ADCY10: variants seen among roughly 807,000 people sequenced by gnomAD.
ADCY10 encodes adenylate cyclase 10, also known as adenylate cyclase type 10.
ADCY10 carries 156 observed loss-of-function variants against 183.3 expected under a neutral mutation model. The observed-to-expected ratio is 0.85, with a 90% CI of 0.75 to 0.97. The LOEUF (loss-of-function observed/expected upper bound fraction) is 0.97, where lower values mean the gene tolerates loss of function less well. Ranked by LOEUF, ADCY10 falls within the 50% of genes least tolerant of loss-of-function variation. The pLI is 0.00. For missense variants in ADCY10, 1,745 were observed against 1,934.3 expected (o/e 0.90, Z 1.84); for synonymous variants, 645 against 670.0 (o/e 0.96, Z 0.58).
chr1:167,831,046 C>A (rs1026901356), intron 25 of ADCY10, among the ~76,000 whole-genome samples: 1 of 152,160 alleles, frequency 6.6e-6, no homozygotes. Flanking sequence ...AGCTGTGCCC[C>A]GACCACCTTG....
chr1:167,826,029 C>T (rs1279610412), intron 26 of ADCY10, among the ~76,000 whole-genome samples: 1 of 152,038 alleles, frequency 6.6e-6, no homozygotes, highest in Admixed American at 6.6e-5. Context: ...GTATTGGGGT[C>T]GGGGAAGTGT....
At chr1:167,821,549 C>T (rs1662911547) in intron 30 of ADCY10, among the ~76,000 whole-genome samples, 1 of 152,208 alleles carries the variant, frequency 6.6e-6, no homozygotes, top group Non-Finnish European at 1.5e-5. Context: ...TACAGTTTTC[C>T]AGAACTGCCT....
intron 32 of ADCY10, 62 bp downstream of exon 32, chr1:167,810,663 C>T (rs1410510313): frequency 3.3e-6 from 5 of 1,527,774 alleles, no homozygotes; most frequent in African/African-American, 2.7e-5. Context: ...AGGCAGTAGG[C>T]TTCTGGGCTT....
intron 13 of ADCY10, 62 bp downstream of exon 13, chr1:167,875,069 A>T: frequency 7.8e-7 from 1 of 1,274,212 alleles, no homozygotes; most frequent in Non-Finnish European, 1.1e-6. Flanking sequence ...TCATTGATGT[A>T]CTTTTCTGCA....
intron 8 of ADCY10, among the ~76,000 whole-genome samples, chr1:167,893,353 G>T (rs149062940): frequency 1.7e-4 from 26 of 152,296 alleles, no homozygotes; most frequent in African/African-American, 6.3e-4. Context: ...TTATAATTAT[G>T]AATAATGATC....
Position 167,822,027 on chromosome 1 carries a change from A to T in ADCY10, c.4283T>A (p.Ile1428Asn). Residue 1428 changes from isoleucine (I) to asparagine (N), a missense_variant, in exon 30 of 33, where the codon ATC becomes AAC. By Grantham distance (149) the Ile-to-Asn change is moderately radical (BLOSUM62 -3). Coordinates refer to ENST00000367851, the MANE Select transcript of ADCY10 (RefSeq NM_018417.6). Reference sequence around the variant, plus strand: ...GTGATATGCCACACATTGTTACCAGATAGCTACAGAGGAATAAAGTCCCAG... The same window carrying T: ...GTGATATGCCACACATTGTTACCAGTTAGCTACAGAGGAATAAAGTCCCAG... ...LLLGLYSSVA[I>N]WYARLQEWDN... 3 of 1,560,548 alleles carry T rather than the reference A, an allele frequency of 1.9e-6. No individual in the cohort carries two copies. The highest frequency in any genetic ancestry group is 2.7e-6 in the Non-Finnish European group (3 of 1,131,218).
intron 14 of ADCY10, among the ~76,000 whole-genome samples, chr1:167,869,729 C>T (rs1571353911): frequency 6.6e-6 from 1 of 152,206 alleles, no homozygotes; most frequent in African/African-American, 2.4e-5. Context: ...CAATCGATCA[C>T]GACCCTCTCA....
intron 26 of ADCY10, among the ~76,000 whole-genome samples, chr1:167,828,358 T>C (rs1324408481): frequency 1.3e-5 from 2 of 152,234 alleles, no homozygotes; most frequent in East Asian, 3.9e-4. Flanking sequence ...GATGTGTACT[T>C]TCCATATTTG....
At chr1:167,833,297 G>A in intron 24 of ADCY10, 135 bp from the exon 25 acceptor site, 1 of 818,746 alleles carries the variant, frequency 1.2e-6, no homozygotes, top group South Asian at 1.5e-5. Context: ...AAATCTTCCT[G>A]TGCCTGGCAT....
intron 13 of ADCY10, among the ~76,000 whole-genome samples, chr1:167,874,460 GGATAAAGATT>G (rs1387606467): frequency 2.0e-4 from 31 of 152,094 alleles, no homozygotes; most frequent in Non-Finnish European, 2.9e-4. Context: ...ATTATTGAAA[GGATAAAGATT>G]GATAAAACTA....
At chr1:167,890,050 CCACCCT>C in intron 8 of ADCY10, among the ~76,000 whole-genome samples, 1 of 151,970 alleles carries the variant, frequency 6.6e-6, no homozygotes, top group Non-Finnish European at 1.5e-5. Context: ...CTCTGTCTCT[CCACCCT>C]GGTGCCTTAT....
chr1:167,896,693 T>G lies in ADCY10; in HGVS notation c.643-2A>C. 6.3e-7 allele frequency: 1 copy of G among 1,583,520 alleles called. No homozygotes were observed. The highest frequency in any genetic ancestry group is 1.1e-5 in the South Asian group (1 of 90,486). The stretch of plus-strand genomic sequence containing the variant: ...GGGGGGTGGTTTTAAGAAGTTAACC[T>G]AAATAAAAGCAAATGAGAAGTTTTC... On this transcript the variant is annotated splice_acceptor_variant, in intron 6 of 32. Coordinates refer to ENST00000367851, the MANE Select transcript of ADCY10 (RefSeq NM_018417.6). LOFTEE classifies it high-confidence loss of function.
Position 167,848,380 on chromosome 1 carries a change from T to A in ADCY10, c.2418A>T (p.Ser806=), listed in dbSNP as rs775499688. The A allele has an allele frequency of 5.6e-6, 9 of 1,613,826 alleles. No individual in the cohort carries two copies. The highest frequency in any genetic ancestry group is 1.7e-5 in the Admixed American group (1 of 59,990). ...LTSGVRLKNL[S]PPTSLKEISL... ...TCTTACCTTTTAATGACGTTGGAGG[T>A]GACAGGTTTTTCAGTCTGACACCAC... The change falls in exon 19 of 33, where the codon TCA becomes TCT. Residue 806 remains serine, a synonymous_variant. Transcript: ENST00000367851.
At chr1:167,889,206 C>T (rs1668440965) in intron 8 of ADCY10, among the ~76,000 whole-genome samples, 2 of 152,080 alleles carry the variant, frequency 1.3e-5, no homozygotes, top group African/African-American at 2.4e-5. Context: ...TACTAGTGGT[C>T]GGTCTATTCT....
chr1:167,822,413 G>A (rs1371157379), intron 29 of ADCY10, among the ~76,000 whole-genome samples: 1 of 152,138 alleles, frequency 6.6e-6, no homozygotes, highest in Non-Finnish European at 1.5e-5. Context: ...CCTGGCCTTA[G>A]TGCAGCCTAG....
rs1669613563 is a variant in ADCY10 at position 167,903,809 on chromosome 1, A to G, written c.253+78T>C. 3 of 1,034,708 alleles carry G rather than the reference A, an allele frequency of 2.9e-6. No homozygotes were observed. In the South Asian group the frequency reaches 3.8e-5, roughly 13 times the overall value. 64.1% of individuals were successfully genotyped at this position (1,034,708 alleles called of 1,614,324 possible). Reference sequence around the variant, plus strand: ...GAGGAGTGCTAAGCAATTGTACTCTATCAGGTTATAATTGACAACTACGGA... The same window carrying G: ...GAGGAGTGCTAAGCAATTGTACTCTGTCAGGTTATAATTGACAACTACGGA... On this transcript the variant is annotated intron_variant, in intron 3 of 32. Coordinates refer to ENST00000367851, the MANE Select transcript of ADCY10 (RefSeq NM_018417.6).
At chr1:167,843,597 G>A (rs574617358) in intron 21 of ADCY10, among the ~76,000 whole-genome samples, 1 of 152,164 alleles carries the variant, frequency 6.6e-6, no homozygotes, top group African/African-American at 2.4e-5. Context: ...CAAGGGTCTT[G>A]TTACCCTCCC....
Position 167,837,242 on chromosome 1 carries a change from C to T in ADCY10, c.3077+7G>A. The T allele has an allele frequency of 1.2e-6, 2 of 1,607,620 alleles. No homozygotes were observed. Among genetic ancestry groups the T allele is most frequent in the Non-Finnish European group, 8.5e-7 (1 of 1,174,188 alleles). ...TCTACTTCCTAAACAATGATATATG[C>T]CTCTACCTGCGATTTTCAGGAAAAA... On this transcript the variant is annotated splice_region_variant and intron_variant, in intron 22 of 32. Coordinates refer to ENST00000367851, the MANE Select transcript of ADCY10 (RefSeq NM_018417.6).
At chr1:167,894,299 G>A (rs1358706437) in intron 7 of ADCY10, among the ~76,000 whole-genome samples, 3 of 152,202 alleles carry the variant, frequency 2.0e-5, no homozygotes, top group Non-Finnish European at 2.9e-5. Flanking sequence ...GTGACAGAAT[G>A]AAGGGGATGG....
Sources: gnomAD v4.1 joint callset for allele counts (sites outside exome capture counted in the v4.1 genomes callset) on GRCh38, gnomAD v4.1.1 for gene constraint, MANE v1.5 for transcripts, NCBI Gene and HGNC (gene_info 2026-07-23, HGNC 2026-07-21) for gene names.